The following NR4A2 variants were observed in gnomAD, a reference collection of about 807,000 sequenced individuals.
NR4A2 encodes the protein NGFI-B/nur77 beta-type transcription factor homolog.
NR4A2 carries 1 observed loss-of-function variant against 50.5 expected under a neutral mutation model. That is an observed-to-expected ratio of 0.02 (90% CI 0.01 to 0.09). The LOEUF (loss-of-function observed/expected upper bound fraction) is 0.09, where lower values mean the gene tolerates loss of function less well. Among genes scored for constraint, NR4A2 ranks in the 10% least tolerant of loss-of-function variants. NR4A2 has a pLI of 1.00. For synonymous variants in NR4A2, 328 were observed against 309.4 expected, an observed-to-expected ratio of 1.06 and a Z score of -0.63; for missense variants, 613 against 777.3, an observed-to-expected ratio of 0.79 and a Z score of 2.51.
chr2:156,330,274 G>A, intron 2 of NR4A2, 86 bp from the exon 3 acceptor site: 2 of 1,506,322 alleles, frequency 1.3e-6, no homozygotes, highest in Non-Finnish European at 1.8e-6. Flanking sequence ...AGCTACACCG[G>A]CAGCCCGCGG....
chr2:156,328,121 G>A lies in NR4A2; in HGVS notation c.995-107C>T. The A allele has an allele frequency of 1.4e-6, 2 of 1,437,246 alleles. No individual in the cohort carries two copies. The highest frequency in any genetic ancestry group is 1.4e-5 in the African/African-American group (1 of 70,674). 89.0% of individuals were successfully genotyped at this position (1,437,246 alleles called of 1,614,324 possible). A position where few individuals can be genotyped will look rare whatever the true frequency, so the allele number is the denominator to read the frequency against. On this transcript the variant is annotated intron_variant, in intron 4 of 7. Coordinates refer to ENST00000339562, the MANE Select transcript of NR4A2 (RefSeq NM_006186.4). This position sits in a 1 kb window ranked among gnomAD's most constrained non-coding sequence, Gnocchi z 4.9. The stretch of plus-strand genomic sequence containing the variant: ...CAGCCGCGGGGCACCAGGCTGAGCG[G>A]CTGAGGGCCCCAGTGCTTGTAAAGC...
Position 156,329,555 on chromosome 2 carries a change from T to G in NR4A2, c.632A>C (p.His211Pro). The G allele has an allele frequency of 6.2e-7, 1 of 1,603,218 alleles. No individual in the cohort carries two copies. The highest frequency in any genetic ancestry group is 8.5e-7 in the Non-Finnish European group (1 of 1,173,708). Residue 211 changes from histidine (H) to proline (P), a missense_variant, in exon 3 of 8, where the codon CAC becomes CCC. By Grantham distance (77) the His-to-Pro change is moderately conservative. Transcript: ENST00000339562. The surrounding 1 kb of genome is among the most constrained non-coding windows in gnomAD (Gnocchi z 7.5). ...AGCGAAGGTCTGCCCGTCCACCACG[T>G]GGTGGCTGCCGGCGGGCTCCGGGTT... Reference protein sequence around the residue: ...PMNPEPAGSHHVVDGQTFAVP... With the variant: ...PMNPEPAGSHPVVDGQTFAVP...
In NR4A2 at chr2:156,324,948, C is replaced by G. The variant is rs1686574809; in HGVS notation, c.*796G>C. 1 of 152,600 alleles carries G rather than the reference C, an allele frequency of 6.6e-6. No homozygotes were observed. Among genetic ancestry groups the G allele is most frequent in the Non-Finnish European group, 1.5e-5 (1 of 68,038 alleles). The allele number at this position is 152,600 out of a possible 1,614,324, so 9.5% of individuals were successfully genotyped here. ...TGAGAAAATGTTTAAGCTCAGATAA[C>G]TACCAATCTTTATAAAATCTAACAG... is the stretch of plus-strand genomic sequence containing the variant. On this transcript the variant is annotated 3_prime_UTR_variant, in exon 8 of 8. Transcript: ENST00000339562.
At position 156,329,751 on chromosome 2, in the gene NR4A2, G is replaced by A. The variant is rs374632208; in HGVS notation, c.436C>T (p.Pro146Ser). ...TGGTGGAAGTTGTGGAGAGATCCCG[G>A]GTCGTCCCACATGGGGCTGTGCTGC... ...QVQHSPMWDD[P>S]GSLHNFHQNY... The change falls in exon 3 of 8, where the codon CCG (proline) becomes TCG (serine). Residue 146 changes from proline (P) to serine (S), a missense_variant. Pro to Ser is a moderately conservative substitution (Grantham distance 74). Transcript: ENST00000339562. The surrounding 1 kb of genome is among the most constrained non-coding windows in gnomAD (Gnocchi z 7.5). 9.3e-6 allele frequency: 15 copies of A among 1,613,562 alleles called. No homozygotes were observed. Among genetic ancestry groups the A allele is most frequent in the Non-Finnish European group, 1.2e-5 (14 of 1,179,696 alleles).
chr2:156,327,869 G>T lies in NR4A2; in HGVS notation c.1140C>A (p.Thr380=). ...RAHVDSNPAM[T]SLDYSRFQAN... ...TTCTTACCCTGGAATAGTCCAGGCT[G>T]GTCATAGCCGGGTTGGAGTCGACAT... The change falls in exon 5 of 8, where the codon ACC becomes ACA. Residue 380 remains threonine (T), a synonymous_variant. Coordinates refer to ENST00000339562, the MANE Select transcript of NR4A2 (RefSeq NM_006186.4). The T allele has an allele frequency of 6.3e-7, 1 of 1,587,570 alleles. No homozygotes were observed. The highest frequency in any genetic ancestry group is 8.6e-7 in the Non-Finnish European group (1 of 1,166,004).
chr2:156,327,947 C>A lies in NR4A2; in HGVS notation c.1062G>T (p.Glu354Asp). 1.9e-6 allele frequency: 3 copies of A among 1,597,670 alleles called. No individual in the cohort carries two copies. Among genetic ancestry groups the A allele is most frequent in the Non-Finnish European group, 2.6e-6 (3 of 1,171,052 alleles). The change falls in exon 5 of 8, where the codon GAG (glutamate) becomes GAT (aspartate). Residue 354 changes from glutamate (E) to aspartate (D), a missense_variant. By Grantham distance (45) the Glu-to-Asp change is conservative. Transcript: ENST00000339562. The stretch of plus-strand genomic sequence containing the variant: ...TCACCGGGGGCGAAGGGGGAGAGGG[C>A]TCCTGTGGGCTCTTCGGTTTCGAGG... ...RLPSKPKSPQ[E>D]PSPPSPPVSL...
chr2:156,326,589 T>A lies in NR4A2; in HGVS notation c.1361+129A>T, dbSNP rs1434284725. 1 of 1,131,080 alleles carries A rather than the reference T, an allele frequency of 8.8e-7. No individual in the cohort carries two copies. The highest frequency in any genetic ancestry group is 1.3e-6 in the Non-Finnish European group (1 of 771,554). The allele number at this position is 1,131,080 out of a possible 1,614,324, so 70.1% of individuals were successfully genotyped here. A position where few individuals can be genotyped will look rare whatever the true frequency, so the allele number is the denominator to read the frequency against. On this transcript the variant is annotated intron_variant, in intron 6 of 7. Coordinates refer to ENST00000339562, the MANE Select transcript of NR4A2 (RefSeq NM_006186.4). This position sits in a 1 kb window ranked among gnomAD's most constrained non-coding sequence, Gnocchi z 4.2. ...TTTTGTTTTCTTTCTTTTTCTTCCT[T>A]TCTCCGACTTCCATTTCCTATTCTG... is the stretch of plus-strand genomic sequence containing the variant.
rs1205343352 is a variant in NR4A2, at chr2:156,324,588, A to G, written c.*1156T>C. 1 of 152,658 alleles carries G rather than the reference A, an allele frequency of 6.6e-6. No homozygotes were observed. Among genetic ancestry groups the G allele is most frequent in the Non-Finnish European group, 1.5e-5 (1 of 68,042 alleles). 9.5% of individuals were successfully genotyped at this position (152,658 alleles called of 1,614,324 possible). On this transcript the variant is annotated 3_prime_UTR_variant, in exon 8 of 8. Transcript: ENST00000339562. ...GTGCCATACTAGAAATATACAAAGA[A>G]AAATACTACAGAATATGGCAATATT...
rs372468197 is a variant in NR4A2 at position 156,327,838 on chromosome 2, G to A, written c.1158+13C>T. 1.2e-4 allele frequency: 186 copies of A among 1,566,812 alleles called. 1 individual carries two copies. Among genetic ancestry groups the A allele is most frequent in the Non-Finnish European group, 1.0e-4 (116 of 1,154,756 alleles). Reference sequence around the variant, plus strand: ...GGTTTGTCCACATGATATCCCCCCCGCCAGCTTCTTACCCTGGAATAGTCC... The same window carrying A: ...GGTTTGTCCACATGATATCCCCCCCACCAGCTTCTTACCCTGGAATAGTCC... On this transcript the variant is annotated intron_variant, in intron 5 of 7. Coordinates refer to ENST00000339562, the MANE Select transcript of NR4A2 (RefSeq NM_006186.4).
chr2:156,325,669 C>T lies in NR4A2; in HGVS notation c.*75G>A. On this transcript the variant is annotated 3_prime_UTR_variant, in exon 8 of 8. Transcript: ENST00000339562. Reference sequence around the variant, plus strand: ...GCTGAGACTGCTCACACGGCTATCTCTGCCCATGTGACTTGCCCCCTCTTG... The same window carrying T: ...GCTGAGACTGCTCACACGGCTATCTTTGCCCATGTGACTTGCCCCCTCTTG... 1.3e-6 allele frequency: 2 copies of T among 1,577,544 alleles called. No individual in the cohort carries two copies. Among genetic ancestry groups the T allele is most frequent in the Non-Finnish European group, 1.7e-6 (2 of 1,148,834 alleles).
At position 156,327,930 on chromosome 2, in the gene NR4A2, G is replaced by A. The variant is rs1313317368; in HGVS notation, c.1079C>T (p.Pro360Leu). 1.9e-6 allele frequency: 3 copies of A among 1,595,642 alleles called. No individual in the cohort carries two copies. The highest frequency in any genetic ancestry group is 1.7e-5 in the Admixed American group (1 of 57,734). The change falls in exon 5 of 8, where the codon CCC (proline) becomes CTC (leucine). Residue 360 changes from proline to leucine, a missense_variant. Transcript: ENST00000339562. ...GAGGGCACTGATCAGACTCACCGGG[G>A]GCGAAGGGGGAGAGGGCTCCTGTGG... is the stretch of plus-strand genomic sequence containing the variant. ...KSPQEPSPPS[P>L]PVSLISALVR...
At position 156,329,602 on chromosome 2, in the gene NR4A2, G is replaced by T. The variant is rs143064317; in HGVS notation, c.585C>A (p.Asp195Glu). Residue 195 changes from aspartate to glutamate, a missense_variant, in exon 3 of 8, where the codon GAC becomes GAA. Asp to Glu is a conservative substitution (Grantham distance 45, BLOSUM62 2). This residue lies in a region of NR4A2 where 275 missense variants were observed against 248.9 expected (regional missense o/e 1.10). Coordinates refer to ENST00000339562, the MANE Select transcript of NR4A2 (RefSeq NM_006186.4). This position sits in a 1 kb window ranked among gnomAD's most constrained non-coding sequence, Gnocchi z 7.5. ...GGTTCATGGGGACGTGCAGGGGCCC[G>T]TCGAAGCGCATCTGGCAACTAGACA... Reference protein sequence around the residue: ...TPVSSCQMRFDGPLHVPMNPE... With the variant: ...TPVSSCQMRFEGPLHVPMNPE... 4 of 1,609,272 alleles carry T rather than the reference G, an allele frequency of 2.5e-6. No individual in the cohort carries two copies. Among genetic ancestry groups the T allele is most frequent in the Middle Eastern group, 1.6e-4 (1 of 6,066 alleles).
Position 156,326,253 on chromosome 2 carries a change from A to G in NR4A2, c.1437T>C (p.Phe479=). Residue 479 remains phenylalanine (F), a synonymous_variant, in exon 7 of 8, where the codon TTT becomes TTC. Transcript: ENST00000339562. This position sits in a 1 kb window ranked among gnomAD's most constrained non-coding sequence, Gnocchi z 4.2. ...CAACAATGGAATCAATCCATTCCCC[A>G]AAGCCACGAACGCATTGCAACCTGT... The part of the protein sequence containing the change: ...VLHRLQCVRG[F]GEWIDSIVEF... 6.2e-7 allele frequency: 1 copy of G among 1,614,262 alleles called. No homozygotes were observed. The highest frequency in any genetic ancestry group is 8.5e-7 in the Non-Finnish European group (1 of 1,180,038).
In NR4A2 at chr2:156,324,807, T is replaced by C. The variant is rs1259883066; in HGVS notation, c.*937A>G. 2.0e-5 allele frequency: 3 copies of C among 152,656 alleles called. No homozygotes were observed. The highest frequency in any genetic ancestry group is 4.4e-5 in the Non-Finnish European group (3 of 68,036). 9.5% of individuals were successfully genotyped at this position (152,656 alleles called of 1,614,324 possible). ...GATATAAACTTTCTTTTTATCAACATCAACGGTACATACAACACTTACAAA... is the reference window on the plus strand; with the variant it reads ...GATATAAACTTTCTTTTTATCAACACCAACGGTACATACAACACTTACAAA... On this transcript the variant is annotated 3_prime_UTR_variant, in exon 8 of 8. Transcript: ENST00000339562.
chr2:156,328,154 G>A lies in NR4A2; in HGVS notation c.995-140C>T, dbSNP rs1056830709. 9.7e-5 allele frequency: 116 copies of A among 1,191,998 alleles called. No individual in the cohort carries two copies. Among genetic ancestry groups the A allele is most frequent in the Non-Finnish European group, 1.4e-4 (115 of 833,856 alleles). The allele number at this position is 1,191,998 out of a possible 1,614,324, so 73.8% of individuals were successfully genotyped here. A position where few individuals can be genotyped will look rare whatever the true frequency, so the allele number is the denominator to read the frequency against. On this transcript the variant is annotated intron_variant, in intron 4 of 7. Transcript: ENST00000339562. This position sits in a 1 kb window ranked among gnomAD's most constrained non-coding sequence, Gnocchi z 4.9. ...CCCCAGTGCTTGTAAAGCCTTCACT[G>A]ACTAGAAGCATTAAAAAATGCGGGG...
In NR4A2 at chr2:156,329,789, G is replaced by T. The variant is rs751837915; in HGVS notation, c.398C>A (p.Pro133Gln). ...KPSSPPTPTTPGFQVQHSPMW... is the reference protein window; with the variant it reads ...KPSSPPTPTTQGFQVQHSPMW... ...GGGGCTGTGCTGCACCTGGAAGCCC[G>T]GGGTGGTGGGCGTCGGGGGCGAGGA... The change falls in exon 3 of 8, where the codon CCG (proline) becomes CAG (glutamine). Residue 133 changes from proline (P) to glutamine (Q), a missense_variant. Physicochemically the swap from Pro to Gln is moderately conservative, Grantham distance 76 (BLOSUM62 -1). This residue lies in a region of NR4A2 where 275 missense variants were observed against 248.9 expected (regional missense o/e 1.10). Transcript: ENST00000339562. This position sits in a 1 kb window ranked among gnomAD's most constrained non-coding sequence, Gnocchi z 7.5. 2 of 1,613,446 alleles carry T rather than the reference G, an allele frequency of 1.2e-6. No individual in the cohort carries two copies. Among genetic ancestry groups the T allele is most frequent in the Admixed American group, 1.7e-5 (1 of 60,012 alleles).
rs3208770 is a variant in NR4A2, at chr2:156,328,701, C to A, written c.865-168G>T. ...TCTCTTCCTTTTCTTTCTTTCTTTT[C>A]TTTTTTCCTCCCCCAGGGCATTTAA... On this transcript the variant is annotated intron_variant, in intron 3 of 7. Transcript: ENST00000339562. The surrounding 1 kb of genome is among the most constrained non-coding windows in gnomAD (Gnocchi z 4.9). Among the ~76,000 whole-genome samples the A allele has an allele frequency of 6.6e-6, 1 of 151,618 alleles. No homozygotes were observed. The highest frequency in any genetic ancestry group is 2.4e-5 in the African/African-American group (1 of 41,232).
At chr2:156,331,734 T>TC (rs1686936096) in intron 1 of NR4A2, 1 of 151,978 alleles carries the variant, frequency 6.6e-6, no homozygotes, top group Non-Finnish European at 1.5e-5. Context: ...TTCTTTCCCC[T>TC]CCCCCACAAT....
intron 2 of NR4A2, 54 bp downstream of exon 2, chr2:156,330,614 C>A (rs1397595164): frequency 2.2e-6 from 3 of 1,364,928 alleles, no homozygotes; most frequent in Non-Finnish European, 2.8e-6. Context: ...TGTCCTGTTT[C>A]TTGATGTTTG....
Sources: allele counts gnomAD v4.1 joint callset (sites outside exome capture counted in the v4.1 genomes callset), GRCh38; gene constraint gnomAD v4.1.1; regional missense constraint gnomAD v4.1.1; non-coding constraint Gnocchi (gnomAD v3.1); transcripts MANE v1.5; gene names NCBI Gene and HGNC (gene_info 2026-07-23, HGNC 2026-07-21).